The following CLEC4E variants were observed in gnomAD, a reference collection of about 807,000 sequenced individuals.
CLEC4E encodes the protein C-type (calcium dependent, carbohydrate-recognition domain) lectin, superfamily member 9.
A neutral mutation model predicts 24.7 loss-of-function variants in CLEC4E; 21 were observed. The observed-to-expected ratio is 0.85, with a 90% CI of 0.60 to 1.22. CLEC4E has a LOEUF of 1.22. CLEC4E is among the 50% of genes most tolerant of loss of function. CLEC4E has a pLI of 0.00. For missense variants in CLEC4E, 249 were observed against 254.1 expected, an observed-to-expected ratio of 0.98 and a Z score of 0.14; for synonymous variants, 94 against 85.7, an observed-to-expected ratio of 1.10 and a Z score of -0.54.
At chr12:8,539,760 C>G in intron 2 of CLEC4E, 95 bp downstream of exon 2, 1 of 784,360 alleles carries the variant, frequency 1.3e-6, no homozygotes, top group South Asian at 1.6e-5. Context: ...TAGAAAGACC[C>G]TTTGAGGGCA....
chr12:8,537,236 C>T lies in CLEC4E; in HGVS notation c.251G>A (p.Trp84Ter). Residue 84 changes from tryptophan to a stop codon, truncating the protein, a stop_gained, in exon 4 of 6, where the codon TGG (tryptophan) becomes TAG (stop). Transcript: ENST00000299663. LOFTEE classifies it high-confidence loss of function. Reference protein sequence around the residue: ...GSVKNCCPLNWEYFQSSCYFF... With the variant: ...GSVKNCCPLN ...GTAGCAGCTGGATTGAAAATATTCC[C>T]AGTTCAATGGACAACAATTCTTGAC... is the stretch of plus-strand genomic sequence containing the variant. The T allele has an allele frequency of 1.2e-6, 2 of 1,613,638 alleles. No individual in the cohort carries two copies. Among genetic ancestry groups the T allele is most frequent in the South Asian group, 1.1e-5 (1 of 91,022 alleles).
chr12:8,538,515 C>G (rs939975029), intron 3 of CLEC4E, among the ~76,000 whole-genome samples: 2 of 152,210 alleles, frequency 1.3e-5, no homozygotes, highest in Admixed American at 6.5e-5. Context: ...CACCTTGTAT[C>G]CAATAAATAA....
At chr12:8,536,233 T>C (rs375407895) in intron 4 of CLEC4E, 28 bp from the exon 5 acceptor site, 1 of 1,274,854 alleles carries the variant, frequency 7.8e-7, no homozygotes, top group South Asian at 1.2e-5. Flanking sequence ...TAAAAGGAGA[T>C]CAGTTATTTT....
chr12:8,537,860 T>C (rs1401819859), intron 3 of CLEC4E, among the ~76,000 whole-genome samples: 1 of 152,234 alleles, frequency 6.6e-6, no homozygotes, highest in Non-Finnish European at 1.5e-5. Flanking sequence ...AATATTATAA[T>C]AATCCTCGCT....
At position 8,533,665 on chromosome 12, in the gene CLEC4E, G is replaced by T. The variant is rs542021021; in HGVS notation, c.*973C>A. ...GATGAGAATTCATAAACACAAAGAAGGGAATAACAGACACTGGAGTCTACT... is the reference window on the plus strand; with the variant it reads ...GATGAGAATTCATAAACACAAAGAATGGAATAACAGACACTGGAGTCTACT... On this transcript the variant is annotated 3_prime_UTR_variant, in exon 6 of 6. Transcript: ENST00000299663. 1 of 152,138 alleles carries T rather than the reference G, an allele frequency of 6.6e-6. No individual in the cohort carries two copies. The highest frequency in any genetic ancestry group is 6.5e-5 in the Admixed American group (1 of 15,272). 9.4% of individuals were successfully genotyped at this position (152,138 alleles called of 1,614,324 possible).
intron 3 of CLEC4E, among the ~76,000 whole-genome samples, chr12:8,538,539 C>A (rs1443478105): frequency 6.6e-6 from 1 of 152,174 alleles, no homozygotes; most frequent in Admixed American, 6.5e-5. Context: ...CGCAGCCAGA[C>A]ATTCGGAGCC....
intron 1 of CLEC4E, 45 bp from the exon 2 acceptor site, chr12:8,539,992 G>A: frequency 1.7e-6 from 2 of 1,177,966 alleles, no homozygotes; most frequent in Admixed American, 1.7e-5. Context: ...CCCTAAGCAA[G>A]GTACAAAAGA....
rs1006981569 is a variant in CLEC4E at position 8,534,277 on chromosome 12, C to T, written c.*361G>A. ...AGAAAGAAGAGGACCTGCTACAGAG[C>T]CCGGATTCAGGAGATTTTTGGAAGG... On this transcript the variant is annotated 3_prime_UTR_variant, in exon 6 of 6. Transcript: ENST00000299663. 7.9e-5 allele frequency: 13 copies of T among 163,842 alleles called. No homozygotes were observed. Among genetic ancestry groups the T allele is most frequent in the Admixed American group, 2.5e-4 (4 of 16,066 alleles). 10.1% of individuals were successfully genotyped at this position (163,842 alleles called of 1,614,324 possible).
chr12:8,534,856 T>C (rs376973359), intron 5 of CLEC4E, 47 bp from the exon 6 acceptor site: 8 of 1,503,082 alleles, frequency 5.3e-6, no homozygotes, highest in Non-Finnish European at 7.3e-6. Flanking sequence ...CAAAAAGAGG[T>C]AAAGTAACCT....
In CLEC4E at chr12:8,540,118, A is replaced by G. The variant is rs77284719; in HGVS notation, c.38-171T>C. Among the ~76,000 whole-genome samples, 205 of 152,312 alleles carry G rather than the reference A, an allele frequency of 1.3e-3. 1 individual carries two copies. The highest frequency in any genetic ancestry group is 4.8e-3 in the African/African-American group (199 of 41,562). On this transcript the variant is annotated intron_variant, in intron 1 of 5. Transcript: ENST00000299663. ...TCACTTGGAGGGTTTATGGAAACAC[A>G]GATTGCTGACCCTTACCCCCAGAGT...
At chr12:8,537,300 G>A in intron 3 of CLEC4E, 34 bp from the exon 4 acceptor site, 2 of 1,593,412 alleles carry the variant, frequency 1.3e-6, no homozygotes, top group Non-Finnish European at 1.7e-6. Context: ...AGTGTCCCAG[G>A]TGAACCGAAT....
intron 1 of CLEC4E, among the ~76,000 whole-genome samples, chr12:8,540,431 G>C (rs907876745): frequency 2.0e-5 from 3 of 148,952 alleles, no homozygotes; most frequent in African/African-American, 7.4e-5. Context: ...TGTAAATTAG[G>C]TAAAATGTTA....
chr12:8,540,536 A>G (rs1940685001), intron 1 of CLEC4E, among the ~76,000 whole-genome samples: 1 of 152,166 alleles, frequency 6.6e-6, no homozygotes, highest in Non-Finnish European at 1.5e-5. Context: ...AAGGGACACA[A>G]TGTATTGCAG....
At chr12:8,539,494 C>A (rs921702040) in intron 2 of CLEC4E, among the ~76,000 whole-genome samples, 188 bp from the exon 3 acceptor site, 2 of 152,132 alleles carry the variant, frequency 1.3e-5, no homozygotes, top group African/African-American at 4.8e-5. Context: ...CTCTCTCTAC[C>A]CTTCCTTCCA....
At chr12:8,536,066 TC>T in intron 5 of CLEC4E, 23 bp downstream of exon 5, 1 of 1,422,828 alleles carries the variant, frequency 7.0e-7, no homozygotes, top group Non-Finnish European at 9.9e-7. Flanking sequence ...TTTCAAGAAC[TC>T]CTCTCAATAG....
chr12:8,534,555 G>A lies in CLEC4E; in HGVS notation c.*83C>T, dbSNP rs1156508884. 20 of 976,876 alleles carry A rather than the reference G, an allele frequency of 2.0e-5. No homozygotes were observed. The highest frequency in any genetic ancestry group is 6.7e-5 in the South Asian group (4 of 59,900). The allele number at this position is 976,876 out of a possible 1,614,324, so 60.5% of individuals were successfully genotyped here. On this transcript the variant is annotated 3_prime_UTR_variant, in exon 6 of 6. Coordinates refer to ENST00000299663, the MANE Select transcript of CLEC4E (RefSeq NM_014358.4). ...CTTATGAAGTCCTTTGAAGTTCAGC[G>A]CACAAATTTCTCGTGTGGGGCGGTG...
intron 5 of CLEC4E, 102 bp from the exon 6 acceptor site, chr12:8,534,911 A>G (rs1940592822): frequency 9.8e-7 from 1 of 1,016,254 alleles, no homozygotes; most frequent in Admixed American, 2.7e-5. Flanking sequence ...CCTCACAACA[A>G]TTTTGCGAGG....
In CLEC4E at chr12:8,533,508, A is replaced by G. The variant is rs1458332732; in HGVS notation, c.*1130T>C. ...ATGTGATACATAGATACCATGGAAT[A>G]CTAAGCAGCCTTAAAAAAGAAGATT... On this transcript the variant is annotated 3_prime_UTR_variant, in exon 6 of 6. Transcript: ENST00000299663. 6.6e-6 allele frequency: 1 copy of G among 152,270 alleles called. No homozygotes were observed. The highest frequency in any genetic ancestry group is 2.4e-5 in the African/African-American group (1 of 41,472). The allele number at this position is 152,270 out of a possible 1,614,324, so 9.4% of individuals were successfully genotyped here.
rs1488357914 is a variant in CLEC4E at position 8,533,996 on chromosome 12, G to T, written c.*642C>A. On this transcript the variant is annotated 3_prime_UTR_variant, in exon 6 of 6. Coordinates refer to ENST00000299663, the MANE Select transcript of CLEC4E (RefSeq NM_014358.4). ...CATTCAGTCAATTGAAAATAAGGCA[G>T]AGCAAAGGAAGCCCCAGGGATGGGT... The T allele has an allele frequency of 2.6e-5, 4 of 152,364 alleles. No individual in the cohort carries two copies. Among genetic ancestry groups the T allele is most frequent in the African/African-American group, 4.8e-5 (2 of 41,574 alleles). 9.4% of individuals were successfully genotyped at this position (152,364 alleles called of 1,614,324 possible).
Sources: allele counts gnomAD v4.1 joint callset (sites outside exome capture counted in the v4.1 genomes callset), GRCh38; gene constraint gnomAD v4.1.1; transcripts MANE v1.5; gene names NCBI Gene and HGNC (gene_info 2026-07-23, HGNC 2026-07-21).